The following NTRK2 variants were observed in gnomAD, a reference collection of about 807,000 sequenced individuals.
NTRK2 encodes the protein BDNF/NT-3 growth factors receptor.
A neutral mutation model predicts 94.5 loss-of-function variants in NTRK2; 13 were observed. That is an observed-to-expected ratio of 0.14 (90% CI 0.09 to 0.22). NTRK2 has a LOEUF of 0.22. Ranked by LOEUF, NTRK2 falls within the 10% of genes least tolerant of loss-of-function variation. The probability of loss-of-function intolerance (pLI) is 1.00; values close to 1 mark genes in which losing one functional copy is unlikely to be tolerated. For missense variants in NTRK2, 639 were observed against 1,071.2 expected (o/e 0.60, Z 5.63); for synonymous variants, 372 against 407.4 (o/e 0.91, Z 1.05).
At chr9:84,759,237 A>T (rs2065336141) in intron 12 of NTRK2, among the ~76,000 whole-genome samples, 1 of 152,178 alleles carries the variant, frequency 6.6e-6, no homozygotes, top group Non-Finnish European at 1.5e-5. Context: ...TGAGGTGAGG[A>T]TCTACTTTTT....
intron 14 of NTRK2, among the ~76,000 whole-genome samples, chr9:84,921,355 A>G (rs183482680): frequency 1.3e-5 from 2 of 152,366 alleles, no homozygotes; most frequent in Admixed American, 6.5e-5. Flanking sequence ...ATCTCAAGAC[A>G]GAGGAGAGGA....
chr9:84,690,112 C>T (rs1395398404), intron 2 of NTRK2, among the ~76,000 whole-genome samples: 1 of 152,092 alleles, frequency 6.6e-6, no homozygotes, highest in Non-Finnish European at 1.5e-5. Context: ...AAGTGAAATG[C>T]TGAAGATAAA....
intron 12 of NTRK2, among the ~76,000 whole-genome samples, chr9:84,859,219 T>C (rs1256437399): frequency 2.0e-5 from 3 of 152,158 alleles, no homozygotes; most frequent in African/African-American, 7.2e-5. Context: ...ATTTGTGAGG[T>C]CTCTTCCCAG....
chr9:84,829,016 G>A (rs1353698821), intron 12 of NTRK2, among the ~76,000 whole-genome samples: 1 of 149,988 alleles, frequency 6.7e-6, no homozygotes, highest in Non-Finnish European at 1.5e-5. Context: ...TGTTTGTTTT[G>A]AGATGGGGTC....
intron 12 of NTRK2, among the ~76,000 whole-genome samples, chr9:84,763,328 G>A (rs1367633396): frequency 6.6e-6 from 1 of 152,044 alleles, no homozygotes; most frequent in Non-Finnish European, 1.5e-5. Flanking sequence ...GACTCTTCCT[G>A]CCTGTATCTA....
chr9:85,025,597 T>G lies in NTRK2; in HGVS notation c.*4160T>G, dbSNP rs752240713. 3.0e-4 allele frequency: 70 copies of G among 233,198 alleles called. No homozygotes were observed. The highest frequency in any genetic ancestry group is 4.2e-5 in the Non-Finnish European group (5 of 118,032). 14.4% of individuals were successfully genotyped at this position (233,198 alleles called of 1,614,324 possible). On this transcript the variant is annotated 3_prime_UTR_variant, in exon 19 of 19. Coordinates refer to ENST00000277120, the MANE Select transcript of NTRK2 (RefSeq NM_006180.6). ...GAATCTTTCTTTTCACAAATTGGACTGCCTGTAATACCAATAACATTGTTG... is the reference window on the plus strand; with the variant it reads ...GAATCTTTCTTTTCACAAATTGGACGGCCTGTAATACCAATAACATTGTTG...
chr9:84,974,392 G>A (rs970522943), intron 17 of NTRK2, among the ~76,000 whole-genome samples: 5 of 152,176 alleles, frequency 3.3e-5, no homozygotes, highest in African/African-American at 4.8e-5. Context: ...ACTTGGTGGT[G>A]TGCAAAGTAA....
chr9:85,000,316 G>A (rs569191404), intron 17 of NTRK2, among the ~76,000 whole-genome samples: 4 of 152,220 alleles, frequency 2.6e-5, no homozygotes, highest in East Asian at 1.9e-4. Flanking sequence ...TTTGACAAAC[G>A]TATAATGACA....
At chr9:84,895,680 T>C (rs963900598) in intron 14 of NTRK2, among the ~76,000 whole-genome samples, 3 of 152,194 alleles carry the variant, frequency 2.0e-5, no homozygotes, top group Non-Finnish European at 4.4e-5. Context: ...CTCAGCTCTT[T>C]GGGGAGTGTG....
At chr9:84,752,497 T>A (rs950469537) in intron 12 of NTRK2, among the ~76,000 whole-genome samples, 1 of 152,244 alleles carries the variant, frequency 6.6e-6, no homozygotes, top group African/African-American at 2.4e-5. Flanking sequence ...ATGCTTTTGG[T>A]GTTGTTCCTG....
intron 14 of NTRK2, among the ~76,000 whole-genome samples, chr9:84,913,904 TC>T (rs1336589728): frequency 6.6e-6 from 1 of 151,824 alleles, no homozygotes; most frequent in Non-Finnish European, 1.5e-5. Context: ...CTTCTTTTTT[TC>T]TTCTTTGACT....
Position 84,702,382 on chromosome 9 carries a change from C to T in NTRK2, c.322C>T (p.His108Tyr). The stretch of plus-strand genomic sequence containing the variant: ...GGATTCTGGATTAAAATTTGTGGCT[C>T]ATAAAGCATTTCTGAAAAACAGCAA... ...IVDSGLKFVAHKAFLKNSNLQ... is the reference protein window; with the variant it reads ...IVDSGLKFVAYKAFLKNSNLQ... The change falls in exon 4 of 19, where the codon CAT becomes TAT. Residue 108 changes from histidine to tyrosine, a missense_variant. Coordinates refer to ENST00000277120, the MANE Select transcript of NTRK2 (RefSeq NM_006180.6). 3 of 1,614,136 alleles carry T rather than the reference C, an allele frequency of 1.9e-6. No individual in the cohort carries two copies. The highest frequency in any genetic ancestry group is 2.2e-5 in the East Asian group (1 of 44,884).
At chr9:84,906,965 A>G (rs1184925318) in intron 14 of NTRK2, among the ~76,000 whole-genome samples, 1 of 152,198 alleles carries the variant, frequency 6.6e-6, no homozygotes, top group Non-Finnish European at 1.5e-5. Context: ...TTCAAAAAGA[A>G]AAATTTTAAC....
intron 12 of NTRK2, among the ~76,000 whole-genome samples, chr9:84,838,492 T>C (rs575054900): frequency 3.9e-5 from 6 of 152,314 alleles, no homozygotes; most frequent in Admixed American, 6.5e-5. Context: ...CCAAACTTAT[T>C]TTTTATGCAG....
At position 84,742,789 on chromosome 9, in the gene NTRK2, G is replaced by GCTTTTT. The variant is rs1221783716; in HGVS notation, c.1195+862_1195+863insCTTTTT. Among the ~76,000 whole-genome samples, 276 of 103,672 alleles carry GCTTTTT rather than the reference G, an allele frequency of 2.7e-3. 6 individuals carry two copies. The highest frequency in any genetic ancestry group is 0.011 in the African/African-American group (267 of 24,858). The allele number at this position is 103,672 out of a possible 152,430, so 68.0% of individuals were successfully genotyped here. On this transcript the variant is annotated intron_variant, in intron 10 of 18. Coordinates refer to ENST00000277120, the MANE Select transcript of NTRK2 (RefSeq NM_006180.6). ...AAAGAAACCAAAGTCCATTATATTA[G>GCTTTTT]TTTTTTTTTTTTTTTTTTTTTTTTT... is the stretch of plus-strand genomic sequence containing the variant.
intron 12 of NTRK2, among the ~76,000 whole-genome samples, chr9:84,822,969 A>T (rs2072946755): frequency 6.6e-6 from 1 of 152,116 alleles, no homozygotes; most frequent in Non-Finnish European, 1.5e-5. Context: ...GTAAAACACA[A>T]TGACCAACCT....
intron 17 of NTRK2, among the ~76,000 whole-genome samples, chr9:84,999,505 G>A (rs1444694759): frequency 1.3e-5 from 2 of 152,136 alleles, no homozygotes; most frequent in Non-Finnish European, 2.9e-5. Context: ...TTTTAGCTGA[G>A]TACTATTGCT....
intron 17 of NTRK2, among the ~76,000 whole-genome samples, chr9:84,981,563 A>G (rs1224818109): frequency 6.6e-6 from 1 of 152,176 alleles, no homozygotes; most frequent in African/African-American, 2.4e-5. Flanking sequence ...ACAAAATATA[A>G]TTTATTTGCC....
intron 2 of NTRK2, among the ~76,000 whole-genome samples, chr9:84,676,086 G>A (rs2059034470): frequency 6.6e-6 from 1 of 152,220 alleles, no homozygotes. Context: ...GAAGTCAGGA[G>A]ACCTGGAACT....
Sources: allele counts gnomAD v4.1 joint callset (sites outside exome capture counted in the v4.1 genomes callset), GRCh38; gene constraint gnomAD v4.1.1; transcripts MANE v1.5; gene names NCBI Gene and HGNC (gene_info 2026-07-23, HGNC 2026-07-21).